Variants in SLCO1C1 observed in about 807,000 individuals in gnomAD.
SLCO1C1 encodes OAT-RP-5.
SLCO1C1 carries 70 observed loss-of-function variants against 76.4 expected under a neutral mutation model. The observed-to-expected ratio is 0.92, with a 90% CI of 0.76 to 1.12. The LOEUF (loss-of-function observed/expected upper bound fraction) is 1.12, where lower values mean the gene tolerates loss of function less well. Ranked by LOEUF, SLCO1C1 falls within the 50% of genes most tolerant of loss-of-function variation. The pLI, the probability that SLCO1C1 is intolerant of heterozygous loss-of-function variation, is 0.00. For missense variants in SLCO1C1, 912 were observed against 823.8 expected, an observed-to-expected ratio of 1.11 and a Z score of -1.31; for synonymous variants, 306 against 286.1, an observed-to-expected ratio of 1.07 and a Z score of -0.70.
intron 4 of SLCO1C1, among the ~76,000 whole-genome samples, chr12:20,710,223 T>A (rs1850015): frequency 2.2e-5 from 3 of 133,834 alleles, no homozygotes; most frequent in South Asian, 2.4e-4. Context: ...TTTTTTTTTT[T>A]TTGAGATGGA....
rs199528052 is a variant in SLCO1C1 at position 20,743,380 on chromosome 12, C to A, written c.1798+11C>A. 2 of 1,604,626 alleles carry A rather than the reference C, an allele frequency of 1.2e-6. No individual in the cohort carries two copies. The highest frequency in any genetic ancestry group is 2.7e-5 in the African/African-American group (2 of 74,830). ...CAATAAGAGTTCTTGGTAAGTTTAA[C>A]CTATGCTTTAATTTATGGTAGACAC... is the stretch of plus-strand genomic sequence containing the variant. On this transcript the variant is annotated intron_variant, in intron 13 of 14. Coordinates refer to ENST00000266509, the MANE Select transcript of SLCO1C1 (RefSeq NM_017435.5).
At chr12:20,732,725 G>A (rs967396232) in intron 9 of SLCO1C1, among the ~76,000 whole-genome samples, 184 bp from the exon 10 acceptor site, 5 of 152,078 alleles carry the variant, frequency 3.3e-5, no homozygotes, top group Admixed American at 2.0e-4. Flanking sequence ...ACCTGAGACT[G>A]TGCAGTTGTA....
intron 3 of SLCO1C1, among the ~76,000 whole-genome samples, chr12:20,704,255 A>C (rs1337984673): frequency 1.3e-5 from 2 of 151,540 alleles, no homozygotes; most frequent in African/African-American, 4.8e-5. Flanking sequence ...ATATATATAT[A>C]TCTGTATTAC....
Position 20,750,811 on chromosome 12 carries a change from T to C in SLCO1C1, c.1916+19T>C. 6.2e-7 allele frequency: 1 copy of C among 1,613,914 alleles called. No homozygotes were observed. The highest frequency in any genetic ancestry group is 8.5e-7 in the Non-Finnish European group (1 of 1,179,900). On this transcript the variant is annotated intron_variant, in intron 14 of 14. Transcript: ENST00000266509. Reference sequence around the variant, plus strand: ...TCTTCAGGTACCAAATCAAAAGCATTCCCGCATCTCATTGCTACAGCATCC... The same window carrying C: ...TCTTCAGGTACCAAATCAAAAGCATCCCCGCATCTCATTGCTACAGCATCC...
At chr12:20,734,353 T>C (rs1217648829) in intron 10 of SLCO1C1, among the ~76,000 whole-genome samples, 1 of 152,164 alleles carries the variant, frequency 6.6e-6, no homozygotes, top group East Asian at 1.9e-4. Context: ...GCTGCCTTAG[T>C]GAAAGTCAGT....
chr12:20,702,623 T>C (rs905050860), intron 3 of SLCO1C1, among the ~76,000 whole-genome samples: 2 of 151,890 alleles, frequency 1.3e-5, no homozygotes, highest in African/African-American at 4.8e-5. Context: ...CAATCTTTTA[T>C]GTAATTTGCT....
At chr12:20,712,460 CTG>C (rs1947156681) in intron 5 of SLCO1C1, among the ~76,000 whole-genome samples, 2 of 152,106 alleles carry the variant, frequency 1.3e-5, no homozygotes, top group Non-Finnish European at 2.9e-5. Flanking sequence ...TAGGTGTTTA[CTG>C]TGTCTCTAGG....
chr12:20,743,213 G>A (rs1344588066), intron 12 of SLCO1C1, 92 bp from the exon 13 acceptor site: 9 of 1,202,134 alleles, frequency 7.5e-6, no homozygotes, highest in Non-Finnish European at 1.1e-5. Flanking sequence ...ATTCTAACAT[G>A]ATTTCATGTA....
At chr12:20,718,138 C>T (rs1515773) in intron 7 of SLCO1C1, among the ~76,000 whole-genome samples, 42,659 of 152,056 alleles carry the variant, frequency 0.28, 7,294 homozygotes, top group African/African-American at 0.47. Flanking sequence ...CTTCAAAAAG[C>T]TTAAAATCCA....
At chr12:20,739,756 G>A (rs1948715701) in intron 11 of SLCO1C1, among the ~76,000 whole-genome samples, 1 of 152,174 alleles carries the variant, frequency 6.6e-6, no homozygotes, top group Non-Finnish European at 1.5e-5. Flanking sequence ...TGAGGGTAGT[G>A]ATGCAGTCTG....
intron 1 of SLCO1C1, 82 bp downstream of exon 1, chr12:20,695,889 A>T (rs1946243997): frequency 6.6e-6 from 1 of 152,012 alleles, no homozygotes; most frequent in Admixed American, 6.6e-5. Context: ...TTTCTGTGCG[A>T]TTTATGTTTT....
chr12:20,710,293 C>T (rs375861591), intron 4 of SLCO1C1, among the ~76,000 whole-genome samples: 14 of 149,442 alleles, frequency 9.4e-5, no homozygotes, highest in Admixed American at 4.7e-4. Context: ...CTGCAAGCTC[C>T]GCCTCCCGGG....
intron 12 of SLCO1C1, among the ~76,000 whole-genome samples, chr12:20,740,787 T>TTTTATATATATATATATATATA (rs1217819863): frequency 2.1e-4 from 16 of 75,078 alleles, no homozygotes; most frequent in African/African-American, 8.7e-4. Context: ...TTTATTTTAT[T>TTTTATATATATATATATATATA]TATATATATA....
chr12:20,751,012 T>A, intron 14 of SLCO1C1: 1 of 837,838 alleles, frequency 1.2e-6, no homozygotes. Flanking sequence ...TTTAAATGAG[T>A]AATCATTTTT....
At chr12:20,743,429 T>G (rs1948909581) in intron 13 of SLCO1C1, 60 bp downstream of exon 13, 1 of 1,385,944 alleles carries the variant, frequency 7.2e-7, no homozygotes, top group Non-Finnish European at 1.0e-6. Flanking sequence ...TGAAGACTTT[T>G]CTAAATATTT....
At chr12:20,700,877 C>T (rs1258746900) in intron 2 of SLCO1C1, among the ~76,000 whole-genome samples, 7 of 151,958 alleles carry the variant, frequency 4.6e-5, no homozygotes, top group Non-Finnish European at 8.8e-5. Context: ...ACATTATGTT[C>T]CCGGCTGGTG....
At chr12:20,714,979 A>G (rs1947295266) in intron 5 of SLCO1C1, among the ~76,000 whole-genome samples, 160 bp from the exon 6 acceptor site, 1 of 152,220 alleles carries the variant, frequency 6.6e-6, no homozygotes, top group Admixed American at 6.5e-5. Flanking sequence ...TGAAGGTATA[A>G]AACATTTTTA....
At chr12:20,737,517 T>C (rs1001845102) in intron 11 of SLCO1C1, among the ~76,000 whole-genome samples, 2 of 152,162 alleles carry the variant, frequency 1.3e-5, no homozygotes, top group African/African-American at 4.8e-5. Flanking sequence ...TGTAGTCTAT[T>C]TCTCTCATTT....
At chr12:20,720,924 G>A (rs1299144833) in intron 7 of SLCO1C1, among the ~76,000 whole-genome samples, 1 of 150,818 alleles carries the variant, frequency 6.6e-6, no homozygotes, top group Admixed American at 6.6e-5. Flanking sequence ...TTGAACCCGG[G>A]AGGCGGAGGT....
Sources: gnomAD v4.1 joint callset for allele counts (sites outside exome capture counted in the v4.1 genomes callset) on GRCh38, gnomAD v4.1.1 for gene constraint, MANE v1.5 for transcripts, NCBI Gene and HGNC (gene_info 2026-07-23, HGNC 2026-07-21) for gene names.